Variants in TMEM229B observed in about 807,000 individuals in gnomAD.
TMEM229B encodes chromosome 14 open reading frame 83.
Under a neutral mutation model 13.7 loss-of-function variants are expected in TMEM229B, and 6 were observed. The observed-to-expected ratio is 0.44, with a 90% CI of 0.24 to 0.86. The LOEUF (loss-of-function observed/expected upper bound fraction) is 0.86. Among genes scored for constraint, TMEM229B ranks in the 40% least tolerant of loss-of-function variants. The probability of loss-of-function intolerance (pLI) is 0.23; values close to 1 mark genes in which losing one functional copy is unlikely to be tolerated. For missense variants in TMEM229B, 170 were observed against 236.0 expected, an observed-to-expected ratio of 0.72 and a Z score of 1.83; for synonymous variants, 107 against 102.1, an observed-to-expected ratio of 1.05 and a Z score of -0.29.
intron 2 of TMEM229B, among the ~76,000 whole-genome samples, chr14:67,482,165 G>A (rs1442525393): frequency 6.6e-6 from 1 of 152,174 alleles, no homozygotes; most frequent in African/African-American, 2.4e-5. Flanking sequence ...AGGTGATGGG[G>A]AAGGGGAAGG....
At chr14:67,513,944 C>T (rs1566702648) in intron 1 of TMEM229B, among the ~76,000 whole-genome samples, 1 of 152,282 alleles carries the variant, frequency 6.6e-6, no homozygotes, top group East Asian at 1.9e-4. Context: ...GAGAGAAAGA[C>T]ACTGTACCAC....
upstream of TMEM229B, among the ~76,000 whole-genome samples, chr14:67,489,199 T>A (rs1488313846): frequency 6.6e-6 from 1 of 152,196 alleles, no homozygotes; most frequent in Admixed American, 6.5e-5. Flanking sequence ...GTCACCTCTA[T>A]TTTAGAAATG....
chr14:67,475,490 A>G (rs987223485), intron 2 of TMEM229B, among the ~76,000 whole-genome samples: 4 of 152,128 alleles, frequency 2.6e-5, no homozygotes, highest in Non-Finnish European at 4.4e-5. Context: ...TGGCCACACC[A>G]TTTTACATTC....
chr14:67,510,399 C>T (rs1001562637), intron 1 of TMEM229B, among the ~76,000 whole-genome samples: 1 of 152,136 alleles, frequency 6.6e-6, no homozygotes, highest in African/African-American at 2.4e-5. Flanking sequence ...CGAATCATTG[C>T]CCAATGACCT....
At chr14:67,509,815 T>C (rs750488) in intron 1 of TMEM229B, among the ~76,000 whole-genome samples, 5,277 of 152,218 alleles carry the variant, frequency 0.035, 357 homozygotes, top group East Asian at 0.27. Flanking sequence ...GAGACCAGCC[T>C]GTGCAACATA....
chr14:67,520,391 C>T (rs1279544795), upstream of TMEM229B, among the ~76,000 whole-genome samples: 1 of 152,228 alleles, frequency 6.6e-6, no homozygotes, highest in Non-Finnish European at 1.5e-5. Flanking sequence ...ACCTGCTCTA[C>T]AGTTTTGCCT....
intron 1 of TMEM229B, among the ~76,000 whole-genome samples, chr14:67,497,048 T>A (rs1342383394): frequency 6.6e-6 from 1 of 151,936 alleles, no homozygotes; most frequent in Non-Finnish European, 1.5e-5. Flanking sequence ...CGCCTCAGCC[T>A]CCCAAAGTGC....
chr14:67,515,834 G>A (rs2319841), upstream of TMEM229B, among the ~76,000 whole-genome samples: 1,820 of 3,834 alleles, frequency 0.47, 41 homozygotes, highest in African/African-American at 0.5. Flanking sequence ...CAGCACTGTG[G>A]ACCTGCGGTC....
At chr14:67,509,084 A>C (rs2032939152) in intron 1 of TMEM229B, among the ~76,000 whole-genome samples, 1 of 152,158 alleles carries the variant, frequency 6.6e-6, no homozygotes, top group Non-Finnish European at 1.5e-5. Flanking sequence ...TTGCCCAAAC[A>C]GACCGTTAAG....
intron 1 of TMEM229B, among the ~76,000 whole-genome samples, chr14:67,523,785 A>G (rs1283381610): frequency 6.6e-6 from 1 of 152,172 alleles, no homozygotes; most frequent in Non-Finnish European, 1.5e-5. Context: ...GCTTTCTCTT[A>G]GGTCCCTCAG....
At chr14:67,509,975 A>T (rs974486627) in intron 1 of TMEM229B, among the ~76,000 whole-genome samples, 1 of 152,186 alleles carries the variant, frequency 6.6e-6, no homozygotes, top group African/African-American at 2.4e-5. Flanking sequence ...GTGCCACTGC[A>T]CTAAAGCCTG....
intron 2 of TMEM229B, among the ~76,000 whole-genome samples, chr14:67,485,788 A>C (rs1006038526): frequency 2.0e-5 from 3 of 152,352 alleles, no homozygotes; most frequent in African/African-American, 7.2e-5. Context: ...AGGGCTGTGC[A>C]GTTAGGAGCC....
At chr14:67,530,471 A>C (rs140062065) in intron 1 of TMEM229B, among the ~76,000 whole-genome samples, 70 of 152,242 alleles carry the variant, frequency 4.6e-4, no homozygotes, top group African/African-American at 1.5e-3. Flanking sequence ...ACTCTGTAGG[A>C]ATTTATTTTT....
chr14:67,501,289 C>G (rs76263889), intron 1 of TMEM229B, among the ~76,000 whole-genome samples: 13,000 of 152,090 alleles, frequency 0.085, 590 homozygotes, highest in African/African-American at 0.11. Context: ...TGAGACAAGA[C>G]ATGCACTCAG....
At chr14:67,474,960 G>C (rs2031082915) in intron 2 of TMEM229B, among the ~76,000 whole-genome samples, 1 of 139,052 alleles carries the variant, frequency 7.2e-6, no homozygotes, top group South Asian at 2.2e-4. Context: ...CTGTCGTCCA[G>C]GCTGGAGTGC....
At chr14:67,482,579 G>C (rs2031647972) in intron 2 of TMEM229B, among the ~76,000 whole-genome samples, 3 of 152,178 alleles carry the variant, frequency 2.0e-5, no homozygotes, top group South Asian at 4.1e-4. Context: ...AGCCCTTCTA[G>C]GAGACCCCTG....
upstream of TMEM229B, among the ~76,000 whole-genome samples, chr14:67,518,919 G>GAA (rs748397895): frequency 2.4e-4 from 37 of 152,236 alleles, no homozygotes; most frequent in Non-Finnish European, 4.4e-4. Flanking sequence ...AAGATCACAT[G>GAA]AAGTCTGTTG....
intron 1 of TMEM229B, among the ~76,000 whole-genome samples, chr14:67,523,792 T>C (rs1388326231): frequency 6.6e-6 from 1 of 152,206 alleles, no homozygotes; most frequent in Non-Finnish European, 1.5e-5. Flanking sequence ...CTTAGGTCCC[T>C]CAGCAAAGAA....
At chr14:67,519,858 G>A (rs1202980433), upstream of TMEM229B, among the ~76,000 whole-genome samples, 2 of 152,216 alleles carry the variant, frequency 1.3e-5, no homozygotes, top group South Asian at 2.1e-4. Flanking sequence ...ATGTAGCTGG[G>A]ACTACAGGCG....
Sources: gnomAD v4.1 joint callset for allele counts (sites outside exome capture counted in the v4.1 genomes callset) on GRCh38, gnomAD v4.1.1 for gene constraint, MANE v1.5 for transcripts, NCBI Gene and HGNC (gene_info 2026-07-23, HGNC 2026-07-21) for gene names.